Variants in CRTAC1 observed in about 807,000 individuals in gnomAD.
CRTAC1 encodes the protein acidic secreted protein in cartilage.
CRTAC1 carries 37 observed loss-of-function variants against 67.8 expected under a neutral mutation model. The ratio of observed to expected loss-of-function variants is 0.55; its 90% CI spans 0.42 to 0.72. The LOEUF is 0.72. Among genes scored for constraint, CRTAC1 ranks in the 30% least tolerant of loss-of-function variants. CRTAC1 has a pLI of 0.00. For missense variants in CRTAC1, 780 were observed against 931.6 expected (o/e 0.84, Z 2.12); for synonymous variants, 348 against 371.0 (o/e 0.94, Z 0.71).
chr10:97,880,396 C>A lies in CRTAC1; in HGVS notation c.1676-4G>T. The A allele has an allele frequency of 6.2e-7, 1 of 1,612,262 alleles. No homozygotes were observed. The highest frequency in any genetic ancestry group is 8.5e-7 in the Non-Finnish European group (1 of 1,178,382). ...AACTGGATGCATTCATTGGTGTCTG[C>A]AAGGCGAGGGGAACCACTCACCATG... is the stretch of plus-strand genomic sequence containing the variant. On this transcript the variant is annotated splice_polypyrimidine_tract_variant and splice_region_variant and intron_variant, in intron 13 of 14. Transcript: ENST00000370597.
At chr10:97,878,097 C>T (rs1291135888) in intron 14 of CRTAC1, among the ~76,000 whole-genome samples, 2 of 152,238 alleles carry the variant, frequency 1.3e-5, no homozygotes, top group Non-Finnish European at 2.9e-5. Context: ...AGTGACAGAG[C>T]TGCCTGTTAC....
chr10:97,962,578 A>G (rs927956588), intron 2 of CRTAC1, among the ~76,000 whole-genome samples: 6 of 152,142 alleles, frequency 3.9e-5, no homozygotes, highest in East Asian at 3.9e-4. Flanking sequence ...AAACATTCCA[A>G]TTTTCCACTG....
At position 97,923,403 on chromosome 10, in the gene CRTAC1, GGA is replaced by G; in HGVS notation, c.422-5_422-4del. The G allele has an allele frequency of 6.2e-7, 1 of 1,614,086 alleles. No homozygotes were observed. Among genetic ancestry groups the G allele is most frequent in the Non-Finnish European group, 8.5e-7 (1 of 1,180,010 alleles). On this transcript the variant is annotated splice_polypyrimidine_tract_variant and splice_region_variant and intron_variant, in intron 3 of 14. Coordinates refer to ENST00000370597, the MANE Select transcript of CRTAC1 (RefSeq NM_018058.7). Reference sequence around the variant, plus strand: ...CTTGTCGGTGTACGTGGCCACCCCTGGAGAGAGGAGGAAAGGGAGGGCTGGTG... The same window carrying G: ...CTTGTCGGTGTACGTGGCCACCCCTGGAGAGGAGGAAAGGGAGGGCTGGTG...
At chr10:97,956,085 A>G (rs897764774) in intron 2 of CRTAC1, among the ~76,000 whole-genome samples, 1 of 152,222 alleles carries the variant, frequency 6.6e-6, no homozygotes, top group Non-Finnish European at 1.5e-5. Context: ...CTACGATTAC[A>G]GTTGCTTCCA....
At chr10:98,022,876 C>T (rs1843151769) in intron 1 of CRTAC1, among the ~76,000 whole-genome samples, 1 of 152,154 alleles carries the variant, frequency 6.6e-6, no homozygotes, top group African/African-American at 2.4e-5. Context: ...ATTTGAACAT[C>T]CTGGGGCCAG....
chr10:97,876,564 G>C (rs1364477769), intron 14 of CRTAC1, among the ~76,000 whole-genome samples: 5 of 152,158 alleles, frequency 3.3e-5, no homozygotes, highest in Admixed American at 2.6e-4. Context: ...GGTGCAGGCA[G>C]GTGGGGCACC....
intron 8 of CRTAC1, among the ~76,000 whole-genome samples, chr10:97,901,212 T>C (rs2136565274): frequency 6.6e-6 from 1 of 152,368 alleles, no homozygotes; most frequent in South Asian, 2.1e-4. Context: ...TGTGGCTTTG[T>C]ATCTTGTGGC....
At chr10:97,987,261 C>G (rs1177946549) in intron 2 of CRTAC1, among the ~76,000 whole-genome samples, 1 of 152,192 alleles carries the variant, frequency 6.6e-6, no homozygotes, top group African/African-American at 2.4e-5. Flanking sequence ...AGCCATGGCT[C>G]TCATGGATGA....
intron 8 of CRTAC1, among the ~76,000 whole-genome samples, chr10:97,898,708 G>A (rs979041862): frequency 5.3e-5 from 8 of 152,116 alleles, no homozygotes; most frequent in African/African-American, 1.9e-4. Context: ...CAGGACTAGA[G>A]ACAAGGAGAG....
At chr10:97,960,638 G>T (rs2051510746) in intron 2 of CRTAC1, among the ~76,000 whole-genome samples, 1 of 152,180 alleles carries the variant, frequency 6.6e-6, no homozygotes, top group Admixed American at 6.5e-5. Context: ...ATAAAAACGG[G>T]TTCAACAAGG....
At chr10:97,961,739 G>C (rs549330122) in intron 2 of CRTAC1, among the ~76,000 whole-genome samples, 7 of 152,302 alleles carry the variant, frequency 4.6e-5, no homozygotes, top group Admixed American at 1.3e-4. Flanking sequence ...GACTTCCAAG[G>C]TTCCATTCAT....
At chr10:97,865,878 T>A (rs1466923151) in intron 14 of CRTAC1, 164 bp from the exon 15 acceptor site, 1 of 1,046,394 alleles carries the variant, frequency 9.6e-7, no homozygotes, top group Admixed American at 2.9e-5. Context: ...CTATGCCCCC[T>A]GTCCCTCACC....
rs779680902 is a variant in CRTAC1, at chr10:98,011,141, G to C, written c.221C>G (p.Ala74Gly). 1 of 1,613,662 alleles carries C rather than the reference G, an allele frequency of 6.2e-7. No individual in the cohort carries two copies. The highest frequency in any genetic ancestry group is 8.5e-7 in the Non-Finnish European group (1 of 1,179,604). Residue 74 changes from alanine to glycine, a missense_variant, in exon 2 of 15, where the codon GCG becomes GGG. Coordinates refer to ENST00000370597, the MANE Select transcript of CRTAC1 (RefSeq NM_018058.7). ...DHDGDFEIVV[A>G]GYNGPNLVLK... ...ACTGAGGGTGGGAGGCACTTACCCC[G>C]CCACGACGATCTCAAAGTCCCCATC...
At chr10:97,942,231 G>A (rs1344223386) in intron 2 of CRTAC1, among the ~76,000 whole-genome samples, 4 of 152,188 alleles carry the variant, frequency 2.6e-5, no homozygotes, top group Non-Finnish European at 5.9e-5. Flanking sequence ...CAGAGACTGT[G>A]TCTGGTTTGT....
chr10:97,936,714 A>G (rs1299110640), intron 2 of CRTAC1, among the ~76,000 whole-genome samples: 1 of 152,226 alleles, frequency 6.6e-6, no homozygotes, highest in Non-Finnish European at 1.5e-5. Flanking sequence ...GCCCATTTCA[A>G]TGCAAAAGGC....
At chr10:97,905,881 G>C (rs2050604346) in intron 6 of CRTAC1, among the ~76,000 whole-genome samples, 1 of 152,214 alleles carries the variant, frequency 6.6e-6, no homozygotes, top group Non-Finnish European at 1.5e-5. Context: ...GGGGAGGAGA[G>C]AGGGTGGCTT....
rs1320652002 is a variant in CRTAC1, at chr10:97,975,285, G to C, written c.224+35853C>G. Among the ~76,000 whole-genome samples, 1 of 152,138 alleles carries C rather than the reference G, an allele frequency of 6.6e-6. No individual in the cohort carries two copies. Among genetic ancestry groups the C allele is most frequent in the African/African-American group, 2.4e-5 (1 of 41,434 alleles). ...CGGCTGACTGATGCGGCTGTCCTCAGCCCCCTCACGGAGCACGGGTGCTGC... is the reference window on the plus strand; with the variant it reads ...CGGCTGACTGATGCGGCTGTCCTCACCCCCCTCACGGAGCACGGGTGCTGC... On this transcript the variant is annotated intron_variant, in intron 2 of 14. Coordinates refer to ENST00000370597, the MANE Select transcript of CRTAC1 (RefSeq NM_018058.7). The surrounding 1 kb of genome is among the most constrained non-coding windows in gnomAD (Gnocchi z 4.8).
rs758398032 is a variant in CRTAC1, at chr10:97,895,909, C to T, written c.1293G>A (p.Pro431=). Reference sequence around the variant, plus strand: ...CCTGATTGCCCCGGAAGACGGACAGCGGCTGAGCCATGGACTCTCCATGGG... The same window carrying T: ...CCTGATTGCCCCGGAAGACGGACAGTGGCTGAGCCATGGACTCTCCATGGG... ...ILSHGESMAQ[P]LSVFRGNQGF... Residue 431 remains proline (P), a synonymous_variant, in exon 10 of 15, where the codon CCG becomes CCA. Transcript: ENST00000370597. The surrounding 1 kb of genome is among the most constrained non-coding windows in gnomAD (Gnocchi z 4.2). The T allele has an allele frequency of 1.1e-5, 17 of 1,613,360 alleles. No individual in the cohort carries two copies. The highest frequency in any genetic ancestry group is 4.5e-5 in the East Asian group (2 of 44,860).
chr10:97,914,274 G>A (rs1241973829), intron 5 of CRTAC1, among the ~76,000 whole-genome samples: 1 of 152,094 alleles, frequency 6.6e-6, no homozygotes, highest in Non-Finnish European at 1.5e-5. Flanking sequence ...TGCTTCTCTT[G>A]TGCATCCCCC....
Sources: gnomAD v4.1 joint callset for allele counts (sites outside exome capture counted in the v4.1 genomes callset) on GRCh38, gnomAD v4.1.1 for gene constraint, Gnocchi (gnomAD v3.1) non-coding constraint, MANE v1.5 for transcripts, NCBI Gene and HGNC (gene_info 2026-07-23, HGNC 2026-07-21) for gene names.